Variants in PDE10A observed in about 807,000 individuals in gnomAD.
PDE10A encodes phosphodiesterase 10A, also known as cAMP and cAMP-inhibited cGMP 3',5'-cyclic phosphodiesterase 10A.
PDE10A carries 39 observed loss-of-function variants against 97.7 expected under a neutral mutation model. The ratio of observed to expected loss-of-function variants is 0.40; its 90% confidence interval spans 0.31 to 0.52. The LOEUF is 0.52. Ranked by LOEUF, PDE10A falls within the 20% of genes least tolerant of loss-of-function variation. The probability of loss-of-function intolerance (pLI) is 0.56; values close to 1 mark genes in which losing one functional copy is unlikely to be tolerated. For synonymous variants in PDE10A, 371 were observed against 376.8 expected (o/e 0.98, Z 0.18); for missense variants, 731 against 1,047.8 (o/e 0.70, Z 4.17).
intron 1 of PDE10A, among the ~76,000 whole-genome samples, chr6:165,879,715 T>G (rs576931427): frequency 1.5e-3 from 227 of 152,376 alleles, no homozygotes; most frequent in African/African-American, 5.4e-3. Flanking sequence ...TAATACCTAC[T>G]TCTAATACCT....
chr6:165,893,824 ATTT>A (rs11381418), intron 1 of PDE10A, among the ~76,000 whole-genome samples: 183 of 145,456 alleles, frequency 1.3e-3, no homozygotes, highest in African/African-American at 4.5e-3. Context: ...CATTAGTGCC[ATTT>A]TTTTTTTTTT....
At chr6:165,527,584 A>G (rs1782522796) in intron 2 of PDE10A, among the ~76,000 whole-genome samples, 1 of 152,178 alleles carries the variant, frequency 6.6e-6, no homozygotes, top group African/African-American at 2.4e-5. Context: ...GAATGTTTTG[A>G]CTATGGGTCA....
At chr6:165,672,814 G>A (rs117289346) in intron 1 of PDE10A, among the ~76,000 whole-genome samples, 3 of 152,092 alleles carry the variant, frequency 2.0e-5, no homozygotes, top group Admixed American at 6.5e-5. Flanking sequence ...TCGTGAAAAC[G>A]GACTAACACA....
At chr6:165,676,255 G>A (rs573062250) in intron 1 of PDE10A, among the ~76,000 whole-genome samples, 8 of 152,260 alleles carry the variant, frequency 5.3e-5, no homozygotes, top group African/African-American at 1.9e-4. Flanking sequence ...GGAGGTGGGG[G>A]ATAAGAAAAT....
chr6:165,839,920 A>ATCTCTGTCTTCATCCCCAT (rs1780192310), intron 1 of PDE10A, among the ~76,000 whole-genome samples: 12 of 33,014 alleles, frequency 3.6e-4, no homozygotes, highest in Non-Finnish European at 4.3e-4. Flanking sequence ...TCCATCCCCA[A>ATCTCTGTCTTCATCCCCAT]CCTCATCTCC....
At chr6:165,833,206 T>C (rs1243510689) in intron 1 of PDE10A, among the ~76,000 whole-genome samples, 1 of 152,238 alleles carries the variant, frequency 6.6e-6, no homozygotes, top group Admixed American at 6.5e-5. Flanking sequence ...TTGAAAGAAA[T>C]ACAGGAGGTT....
intron 1 of PDE10A, among the ~76,000 whole-genome samples, chr6:165,622,073 A>G (rs1267320286): frequency 1.3e-5 from 2 of 152,220 alleles, no homozygotes; most frequent in South Asian, 2.1e-4. Context: ...GATTTTCCCA[A>G]GAGGAAGAAA....
In PDE10A at chr6:165,392,425, T is replaced by C. The variant is rs143812122; in HGVS notation, c.2454+221A>G. 1.4e-3 allele frequency among the ~76,000 whole-genome samples: 216 copies of C among 152,340 alleles called. 1 individual carries two copies. The highest frequency in any genetic ancestry group is 2.1e-3 in the Non-Finnish European group (143 of 68,034). Reference sequence around the variant, plus strand: ...ACAAAATTAGTATTTCCTTGGGGGATATTTTGATGAAGTTAAAATTTCTTT... The same window carrying C: ...ACAAAATTAGTATTTCCTTGGGGGACATTTTGATGAAGTTAAAATTTCTTT... On this transcript the variant is annotated intron_variant, in intron 16 of 21. Coordinates refer to ENST00000539869, the MANE Select transcript of PDE10A (RefSeq NM_001385079.1).
intron 1 of PDE10A, among the ~76,000 whole-genome samples, chr6:165,878,769 C>G (rs1339689930): frequency 6.6e-6 from 1 of 152,082 alleles, no homozygotes; most frequent in African/African-American, 2.4e-5. Context: ...TCACATCGGT[C>G]AAGGCAGATA....
intron 1 of PDE10A, among the ~76,000 whole-genome samples, chr6:165,791,116 T>A (rs1778638572): frequency 6.6e-6 from 1 of 152,068 alleles, no homozygotes; most frequent in Non-Finnish European, 1.5e-5. Context: ...AGCTAATTTT[T>A]AAAAAATTTT....
chr6:165,825,448 A>C (rs1222676392), intron 1 of PDE10A, among the ~76,000 whole-genome samples: 2 of 152,112 alleles, frequency 1.3e-5, no homozygotes, highest in African/African-American at 4.8e-5. Context: ...TCCAATTTAG[A>C]TCCCTGAAAT....
intron 1 of PDE10A, among the ~76,000 whole-genome samples, chr6:165,880,605 A>T (rs945962950): frequency 4.6e-5 from 7 of 152,186 alleles, no homozygotes; most frequent in African/African-American, 1.7e-4. Context: ...TACATTTTTG[A>T]AAGTGTAGAG....
rs771343550 is a variant in PDE10A at position 165,333,078 on chromosome 6, T to C, written c.3115A>G (p.Thr1039Ala). ...EKVIRGEETA[T>A]WISSPSVAQK... The stretch of plus-strand genomic sequence containing the variant: ...GCCACGGATGGGGATGAAATCCAGG[T>C]TGCAGTCTCCTCCCCTCGAATCACC... Residue 1039 changes from threonine to alanine, a missense_variant, in exon 22 of 22, where the codon ACC (threonine) becomes GCC (alanine). Thr to Ala is a moderately conservative substitution (Grantham distance 58). Around this residue, in one of 8 missense-constraint regions of PDE10A, gnomAD observed 34 missense variants for 29.7 expected, o/e 1.14. Transcript: ENST00000539869. 8.7e-6 allele frequency: 14 copies of C among 1,613,210 alleles called. No individual in the cohort carries two copies. The highest frequency in any genetic ancestry group is 1.0e-5 in the Non-Finnish European group (12 of 1,179,392).
chr6:165,864,242 G>C (rs1207253492), intron 1 of PDE10A, among the ~76,000 whole-genome samples: 1 of 152,140 alleles, frequency 6.6e-6, no homozygotes, highest in Admixed American at 6.5e-5. Context: ...TGTTCTTAAA[G>C]TTTGTCAGAA....
chr6:165,458,414 A>T (rs1778089140), intron 3 of PDE10A, among the ~76,000 whole-genome samples: 1 of 152,114 alleles, frequency 6.6e-6, no homozygotes, highest in Non-Finnish European at 1.5e-5. Context: ...AGGACACGGC[A>T]AGAAGACAGC....
intron 1 of PDE10A, among the ~76,000 whole-genome samples, chr6:165,803,019 C>T (rs781390247): frequency 6.6e-6 from 1 of 152,096 alleles, no homozygotes; most frequent in Non-Finnish European, 1.5e-5. Context: ...GATGCAGATA[C>T]CGTGGTGTCT....
Position 165,433,017 on chromosome 6 carries a change from T to C in PDE10A, c.1448A>G (p.Tyr483Cys). The C allele has an allele frequency of 1.9e-6, 3 of 1,614,014 alleles. No homozygotes were observed. The highest frequency in any genetic ancestry group is 2.5e-6 in the Non-Finnish European group (3 of 1,179,950). The change falls in exon 7 of 22, where the codon TAT becomes TGT. Residue 483 changes from tyrosine (Y) to cysteine (C), a missense_variant. By Grantham distance (194) the Tyr-to-Cys change is radical. This residue lies in a region of PDE10A where 152 missense variants were observed against 199.3 expected (regional missense o/e 0.76). Coordinates refer to ENST00000539869, the MANE Select transcript of PDE10A (RefSeq NM_001385079.1). ...GAAGGCTTCTTTGCCCCAGTGCCGA[T>C]ACAGCTCGAGAATACCAATCAAGTC... ...IGDLIGILELYRHWGKEAFCL... is the reference protein window; with the variant it reads ...IGDLIGILELCRHWGKEAFCL...
intron 1 of PDE10A, among the ~76,000 whole-genome samples, chr6:165,845,654 T>C (rs1307983116): frequency 6.6e-6 from 1 of 152,208 alleles, no homozygotes; most frequent in East Asian, 1.9e-4. Flanking sequence ...TAAAGCTTGC[T>C]TGTGGGACAT....
At chr6:165,980,482 C>A (rs147662015) in intron 1 of PDE10A, among the ~76,000 whole-genome samples, 4 of 152,100 alleles carry the variant, frequency 2.6e-5, no homozygotes, top group Non-Finnish European at 5.9e-5. Context: ...CATTGTACCA[C>A]GGAATATTAT....
Sources: allele counts gnomAD v4.1 joint callset (sites outside exome capture counted in the v4.1 genomes callset), GRCh38; gene constraint gnomAD v4.1.1; regional missense constraint gnomAD v4.1.1; transcripts MANE v1.5; gene names NCBI Gene and HGNC (gene_info 2026-07-23, HGNC 2026-07-21).